The following ENTPD4 variants were observed in gnomAD, a reference collection of about 807,000 sequenced individuals.
ENTPD4 encodes ectonucleoside triphosphate diphosphohydrolase 4.
A neutral mutation model predicts 79.1 loss-of-function variants in ENTPD4; 60 were observed. That is an observed-to-expected ratio of 0.76 (90% CI 0.62 to 0.94). The LOEUF (loss-of-function observed/expected upper bound fraction) is 0.94. Among genes scored for constraint, ENTPD4 ranks in the 40% least tolerant of loss-of-function variants. The probability of loss-of-function intolerance (pLI) is 0.00; values close to 1 mark genes in which losing one functional copy is unlikely to be tolerated. For synonymous variants in ENTPD4, 276 were observed against 292.0 expected (o/e 0.95, Z 0.56); for missense variants, 772 against 775.1 (o/e 1.00, Z 0.05).
chr8:23,432,715 G>C lies in ENTPD4; in HGVS notation c.*211C>G, dbSNP rs1161562876. On this transcript the variant is annotated 3_prime_UTR_variant, in exon 13 of 13. Coordinates refer to ENST00000358689, the MANE Select transcript of ENTPD4 (RefSeq NM_004901.5). ...GGGTTTCACCGTGTTAGCCAGGATG[G>C]TCTCGATCTCCTGACCTCATGATCC... 1 of 1,111,542 alleles carries C rather than the reference G, an allele frequency of 9.0e-7. No individual in the cohort carries two copies. The allele number at this position is 1,111,542 out of a possible 1,614,324, so 68.9% of individuals were successfully genotyped here. A position where few individuals can be genotyped will look rare whatever the true frequency, so the allele number is the denominator to read the frequency against.
chr8:23,437,291 C>T (rs762226741), intron 9 of ENTPD4, 33 bp from the exon 10 acceptor site: 43 of 1,502,034 alleles, frequency 2.9e-5, no homozygotes, highest in Middle Eastern at 3.8e-4. Flanking sequence ...ATCGTGAGTC[C>T]TACAGAAAAC....
chr8:23,453,092 A>G (rs1040636974), intron 1 of ENTPD4, among the ~76,000 whole-genome samples: 7 of 152,362 alleles, frequency 4.6e-5, no homozygotes, highest in Non-Finnish European at 8.8e-5. Flanking sequence ...TAAAGAATCT[A>G]TAAGGCAGTG....
Position 23,432,392 on chromosome 8 carries a change from T to A in ENTPD4, c.*534A>T. ...AAATCTCATTTATTTTTGGCAGATA[T>A]CCTGTGCAGCAAAAATCAAGTGAAT... On this transcript the variant is annotated 3_prime_UTR_variant, in exon 13 of 13. Transcript: ENST00000358689. 2.0e-6 allele frequency: 2 copies of A among 985,788 alleles called. No homozygotes were observed. The highest frequency in any genetic ancestry group is 2.4e-6 in the Non-Finnish European group (2 of 830,236). The allele number at this position is 985,788 out of a possible 1,614,324, so 61.1% of individuals were successfully genotyped here. A position where few individuals can be genotyped will look rare whatever the true frequency, so the allele number is the denominator to read the frequency against.
At position 23,430,619 on chromosome 8, in the gene ENTPD4, T is replaced by C. The variant is rs1420662362; in HGVS notation, c.*2307A>G. ...TAGGCAACTGTTTAAAAATGGCAAA[T>C]CCACTACTACCTCTCAGCTGGAGCA... On this transcript the variant is annotated 3_prime_UTR_variant, in exon 13 of 13. Coordinates refer to ENST00000358689, the MANE Select transcript of ENTPD4 (RefSeq NM_004901.5). 2.0e-6 allele frequency: 2 copies of C among 985,324 alleles called. No individual in the cohort carries two copies. The highest frequency in any genetic ancestry group is 3.5e-5 in the African/African-American group (2 of 57,244). 61.0% of individuals were successfully genotyped at this position (985,324 alleles called of 1,614,324 possible). A position where few individuals can be genotyped will look rare whatever the true frequency, so the allele number is the denominator to read the frequency against.
In ENTPD4 at chr8:23,436,960, C is replaced by T. The variant is rs752099184; in HGVS notation, c.1348G>A (p.Ala450Thr). ...DVLRMGGDYN[A>T]AKFTKAAKDY... ...TTTGCAGCTTTAGTAAATTTAGCAG[C>T]ATTGTAGTCTCCCCCCATTCGTAAC... Residue 450 changes from alanine to threonine, a missense_variant, in exon 10 of 13, where the codon GCT becomes ACT. Transcript: ENST00000358689. The T allele has an allele frequency of 1.2e-6, 2 of 1,605,952 alleles. No individual in the cohort carries two copies. The highest frequency in any genetic ancestry group is 1.7e-6 in the Non-Finnish European group (2 of 1,176,012).
At chr8:23,456,264 G>C (rs891007996) in intron 1 of ENTPD4, among the ~76,000 whole-genome samples, 1 of 152,094 alleles carries the variant, frequency 6.6e-6, no homozygotes, top group Non-Finnish European at 1.5e-5. Context: ...CTGTCTCCAT[G>C]CCTGCCTCAG....
At chr8:23,437,918 A>C (rs1173386484) in intron 9 of ENTPD4, among the ~76,000 whole-genome samples, 1 of 152,230 alleles carries the variant, frequency 6.6e-6, no homozygotes, top group African/African-American at 2.4e-5. Flanking sequence ...TGAATACAGA[A>C]GTTAAGACAG....
chr8:23,431,786 T>G lies in ENTPD4; in HGVS notation c.*1140A>C. 1 of 985,462 alleles carries G rather than the reference T, an allele frequency of 1.0e-6. No individual in the cohort carries two copies. Among genetic ancestry groups the G allele is most frequent in the Non-Finnish European group, 1.2e-6 (1 of 829,936 alleles). 61.0% of individuals were successfully genotyped at this position (985,462 alleles called of 1,614,324 possible). A position where few individuals can be genotyped will look rare whatever the true frequency, so the allele number is the denominator to read the frequency against. ...TACTGAGCAAGAAGTGGGCATGTGC[T>G]CTAGTTCCAATAAAACCGAAACTGG... is the stretch of plus-strand genomic sequence containing the variant. On this transcript the variant is annotated 3_prime_UTR_variant, in exon 13 of 13. Coordinates refer to ENST00000358689, the MANE Select transcript of ENTPD4 (RefSeq NM_004901.5).
intron 9 of ENTPD4, 28 bp downstream of exon 9, chr8:23,439,721 G>A (rs1407812183): frequency 3.1e-6 from 5 of 1,609,058 alleles, no homozygotes; most frequent in Non-Finnish European, 4.3e-6. Context: ...GTTTGCAAAT[G>A]ACTGCCAAGT....
chr8:23,457,217 TGCA>T (rs1382546993), intron 1 of ENTPD4, among the ~76,000 whole-genome samples: 2 of 152,072 alleles, frequency 1.3e-5, no homozygotes, highest in African/African-American at 2.4e-5. Context: ...GGGTCCCGGG[TGCA>T]GCATCCCTGC....
At chr8:23,441,954 C>G in intron 7 of ENTPD4, 53 bp downstream of exon 7, 3 of 1,499,694 alleles carry the variant, frequency 2.0e-6, no homozygotes, top group Non-Finnish European at 9.3e-7. Flanking sequence ...TTGGATTAAA[C>G]AGAAAAGCAC....
At chr8:23,444,144 G>A in intron 5 of ENTPD4, among the ~76,000 whole-genome samples, 191 bp from the exon 6 acceptor site, 1 of 152,032 alleles carries the variant, frequency 6.6e-6, no homozygotes. Context: ...AAATGAACAA[G>A]TTGTGTGAAT....
chr8:23,453,213 C>T (rs376211254), intron 1 of ENTPD4, among the ~76,000 whole-genome samples: 45 of 152,162 alleles, frequency 3.0e-4, no homozygotes, highest in African/African-American at 1.1e-3. Context: ...AATATGGTGT[C>T]CATATTGTAC....
chr8:23,437,125 A>C lies in ENTPD4; in HGVS notation c.1183T>G (p.Cys395Gly). The part of the protein sequence containing the change: ...YLRGTGDFDL[C>G]RETIQPFMNK... ...ATGAAAGGCTGGATAGTCTCTCGAC[A>C]CAGGTCAAAGTCTCCAGTCCCTCGT... Residue 395 changes from cysteine (C) to glycine (G), a missense_variant, in exon 10 of 13, where the codon TGT (cysteine) becomes GGT (glycine). Physicochemically the swap from Cys to Gly is radical, Grantham distance 159. Transcript: ENST00000358689. 1 of 1,614,242 alleles carries C rather than the reference A, an allele frequency of 6.2e-7. No individual in the cohort carries two copies. The highest frequency in any genetic ancestry group is 1.1e-5 in the South Asian group (1 of 91,082).
chr8:23,450,243 G>C (rs1434799681), intron 1 of ENTPD4, among the ~76,000 whole-genome samples: 1 of 152,144 alleles, frequency 6.6e-6, no homozygotes, highest in Non-Finnish European at 1.5e-5. Flanking sequence ...AAGTGTCTGT[G>C]ACCCCAAAAT....
At chr8:23,433,777 T>C (rs941509211) in intron 12 of ENTPD4, among the ~76,000 whole-genome samples, 5 of 152,264 alleles carry the variant, frequency 3.3e-5, no homozygotes, top group African/African-American at 1.2e-4. Context: ...TGTCCCATTA[T>C]GGTATCATCA....
rs529142550 is a variant in ENTPD4, at chr8:23,438,626, G to A, written c.1049+1123C>T. Among the ~76,000 whole-genome samples, 41 of 152,194 alleles carry A rather than the reference G, an allele frequency of 2.7e-4. 2 individuals are homozygous for A. Among genetic ancestry groups the A allele is most frequent in the African/African-American group, 8.9e-4 (37 of 41,536 alleles). Reference sequence around the variant, plus strand: ...AGCTTTCTGACATTAAAACCAATGAGTAAAAATTAAGGTTTCGGAAAAAAT... The same window carrying A: ...AGCTTTCTGACATTAAAACCAATGAATAAAAATTAAGGTTTCGGAAAAAAT... On this transcript the variant is annotated intron_variant, in intron 9 of 12. Transcript: ENST00000358689.
rs771687000 is a variant in ENTPD4, at chr8:23,443,919, C to T, written c.598G>A (p.Asp200Asn). ...AGAAAGTCAAAGTGCACGGGGATAT[C>T]GGTCAGAAGGTCTTCCAGAATAGCT... is the stretch of plus-strand genomic sequence containing the variant. ...QKAILEDLLT[D>N]IPVHFDFLFS... Residue 200 changes from aspartate (D) to asparagine (N), a missense_variant, in exon 6 of 13, where the codon GAT becomes AAT. Transcript: ENST00000358689. The T allele has an allele frequency of 6.8e-6, 11 of 1,613,114 alleles. No homozygotes were observed. Among genetic ancestry groups the T allele is most frequent in the Admixed American group, 5.0e-5 (3 of 59,950 alleles).
intron 1 of ENTPD4, among the ~76,000 whole-genome samples, chr8:23,454,430 C>T (rs1187354470): frequency 6.6e-6 from 1 of 152,194 alleles, no homozygotes; most frequent in Non-Finnish European, 1.5e-5. Context: ...ACAAACCCAA[C>T]TCCAAATTTC....
Sources: allele counts gnomAD v4.1 joint callset (sites outside exome capture counted in the v4.1 genomes callset), GRCh38; gene constraint gnomAD v4.1.1; transcripts MANE v1.5; gene names NCBI Gene and HGNC (gene_info 2026-07-23, HGNC 2026-07-21).